Variants in ZBTB40 observed in about 807,000 individuals in gnomAD.
ZBTB40 encodes zinc finger and BTB domain-containing protein 40.
A neutral mutation model predicts 117.5 loss-of-function variants in ZBTB40; 60 were observed. That is an observed-to-expected ratio of 0.51 (90% CI 0.41 to 0.63). The LOEUF (loss-of-function observed/expected upper bound fraction) is 0.63, where lower values mean the gene tolerates loss of function less well. ZBTB40 is among the 30% of genes least tolerant of loss of function. ZBTB40 has a pLI of 0.00. For missense variants in ZBTB40, 1,287 were observed against 1,498.5 expected (o/e 0.86, Z 2.33); for synonymous variants, 525 against 577.1 (o/e 0.91, Z 1.29).
chr1:22,471,703 ACCT>A (rs1161619241), intron 1 of ZBTB40, among the ~76,000 whole-genome samples: 1 of 152,162 alleles, frequency 6.6e-6, no homozygotes, highest in African/African-American at 2.4e-5. Flanking sequence ...TGTTTTAATC[ACCT>A]CCTATTCACC....
Position 22,511,721 on chromosome 1 carries a change from G to A in ZBTB40, c.2048G>A (p.Ser683Asn), listed in dbSNP as rs766425300. 5 of 1,607,346 alleles carry A rather than the reference G, an allele frequency of 3.1e-6. No individual in the cohort carries two copies. The highest frequency in any genetic ancestry group is 2.2e-5 in the East Asian group (1 of 44,848). ...GGAGAGAAGGAAACGTGGAAGGTGA[G>A]TAATAAATTTCACCTTGAAGCCAAC... is the stretch of plus-strand genomic sequence containing the variant. ...EDGEKETWKV[S>N]NKFHLEANNK... Residue 683 changes from serine to asparagine, a missense_variant, in exon 11 of 18, where the codon AGT becomes AAT. Ser to Asn is a conservative substitution (Grantham distance 46, BLOSUM62 1). Around this residue, in one of 2 missense-constraint regions of ZBTB40, gnomAD observed 870 missense variants for 934.4 expected, o/e 0.93. Coordinates refer to ENST00000375647, the MANE Select transcript of ZBTB40 (RefSeq NM_014870.4).
At chr1:22,432,025 A>C (rs1478146065) in intron 1 of ZBTB40, among the ~76,000 whole-genome samples, 1 of 151,928 alleles carries the variant, frequency 6.6e-6, no homozygotes, top group East Asian at 1.9e-4. Context: ...ATTCTTGCAT[A>C]GTTCTGGAGT....
intron 1 of ZBTB40, among the ~76,000 whole-genome samples, chr1:22,433,438 A>ACAAAAACAAAAAC (rs1225536166): frequency 1.3e-4 from 17 of 129,148 alleles, no homozygotes; most frequent in African/African-American, 2.0e-4. Flanking sequence ...CTCTCAAAAA[A>ACAAAAACAAAAAC]AAAAAAAAAA....
At chr1:22,459,071 A>G (rs1192798114) in intron 1 of ZBTB40, among the ~76,000 whole-genome samples, 1 of 152,198 alleles carries the variant, frequency 6.6e-6, no homozygotes, top group African/African-American at 2.4e-5. Context: ...AGTATAGCTT[A>G]AATTTGTTGT....
rs1226361598 is a variant in ZBTB40 at position 22,508,005 on chromosome 1, A to G, written c.1365A>G (p.Gln455=). Residue 455 remains glutamine (Q), a synonymous_variant, in exon 7 of 18, where the codon CAA becomes CAG. Coordinates refer to ENST00000375647, the MANE Select transcript of ZBTB40 (RefSeq NM_014870.4). ...KSATLPSTTV[Q]PSPDDYGTEL... is the part of the protein sequence containing the mutation. ...GTTTTGCTAATATCCTTACAGTCCA[A>G]CCAAGCCCTGATGATTATGGGACTG... The G allele has an allele frequency of 8.1e-6, 13 of 1,614,136 alleles. No individual in the cohort carries two copies. Among genetic ancestry groups the G allele is most frequent in the Non-Finnish European group, 1.0e-5 (12 of 1,180,026 alleles).
In ZBTB40 at chr1:22,513,185, A is replaced by C; in HGVS notation, c.2668+55A>C. On this transcript the variant is annotated intron_variant, in intron 12 of 17. Transcript: ENST00000375647. The surrounding 1 kb of genome is among the most constrained non-coding windows in gnomAD (Gnocchi z 4.9). The stretch of plus-strand genomic sequence containing the variant: ...CAGACTTTCACTGCGAACTGCCTAA[A>C]CCCCATTTGGATTAGGTGTGATATA... 6.4e-7 allele frequency: 1 copy of C among 1,570,448 alleles called. No homozygotes were observed. The highest frequency in any genetic ancestry group is 2.3e-5 in the East Asian group (1 of 43,554).
At chr1:22,499,496 G>A (rs1638869030) in intron 3 of ZBTB40, among the ~76,000 whole-genome samples, 1 of 152,194 alleles carries the variant, frequency 6.6e-6, no homozygotes, top group African/African-American at 2.4e-5. Flanking sequence ...GAGATTTCAA[G>A]TCAACTAACA....
chr1:22,473,774 G>T (rs1267792504), intron 1 of ZBTB40, among the ~76,000 whole-genome samples: 2 of 152,160 alleles, frequency 1.3e-5, no homozygotes, highest in East Asian at 1.9e-4. Context: ...TTAGAAGGGA[G>T]AAATTATCTG....
In ZBTB40 at chr1:22,506,232, A is replaced by G. The variant is rs765589195; in HGVS notation, c.1351A>G (p.Ser451Gly). 1.3e-5 allele frequency: 21 copies of G among 1,614,152 alleles called. No individual in the cohort carries two copies. Among genetic ancestry groups the G allele is most frequent in the East Asian group, 1.1e-4 (5 of 44,890 alleles). The change falls in exon 6 of 18, where the codon AGC (serine) becomes GGC (glycine). Residue 451 changes from serine to glycine, a missense_variant. Physicochemically the swap from Ser to Gly is moderately conservative, Grantham distance 56. Coordinates refer to ENST00000375647, the MANE Select transcript of ZBTB40 (RefSeq NM_014870.4). ...GTTGCAGAAATCAGCCACTTTGCCA[A>G]GCACCACAGGTATTAGTAAATTGTT... ...EKLQKSATLP[S>G]TTVQPSPDDY...
chr1:22,457,823 A>G (rs1368780503), intron 1 of ZBTB40, among the ~76,000 whole-genome samples: 1 of 152,192 alleles, frequency 6.6e-6, no homozygotes. Context: ...ATTTCGTCCT[A>G]TTTCTCAGCT....
chr1:22,464,738 G>A (rs1376133658), intron 1 of ZBTB40, among the ~76,000 whole-genome samples: 1 of 152,226 alleles, frequency 6.6e-6, no homozygotes, highest in South Asian at 2.1e-4. Flanking sequence ...ATATGTATAT[G>A]CATGCACACA....
chr1:22,506,248 GTAAA>G lies in ZBTB40; in HGVS notation c.1360+9_1360+12del. The G allele has an allele frequency of 1.9e-6, 3 of 1,614,002 alleles. No individual in the cohort carries two copies. The highest frequency in any genetic ancestry group is 2.5e-6 in the Non-Finnish European group (3 of 1,179,972). On this transcript the variant is annotated splice_region_variant and intron_variant, in intron 6 of 17. Coordinates refer to ENST00000375647, the MANE Select transcript of ZBTB40 (RefSeq NM_014870.4). ...ACTTTGCCAAGCACCACAGGTATTA[GTAAA>G]TTGTTGACTCTCTGGACTGGAACCA...
intron 1 of ZBTB40, among the ~76,000 whole-genome samples, chr1:22,485,725 ATTCTG>A (rs1343919827): frequency 6.6e-6 from 1 of 151,912 alleles, no homozygotes; most frequent in Admixed American, 6.6e-5. Context: ...ACTGTTAGAT[ATTCTG>A]TTCTGTTTTC....
At chr1:22,432,101 G>C (rs780496269) in intron 1 of ZBTB40, among the ~76,000 whole-genome samples, 1 of 152,116 alleles carries the variant, frequency 6.6e-6, no homozygotes, top group Non-Finnish European at 1.5e-5. Context: ...CTCCCATTTT[G>C]CAGATGGCAA....
At chr1:22,492,989 G>A (rs554528283) in intron 3 of ZBTB40, among the ~76,000 whole-genome samples, 28 of 152,200 alleles carry the variant, frequency 1.8e-4, no homozygotes, top group African/African-American at 6.3e-4. Context: ...GAGGAGTAAC[G>A]TTATTCCTTA....
At chr1:22,488,640 G>T (rs1044205001) in intron 1 of ZBTB40, among the ~76,000 whole-genome samples, 1 of 152,194 alleles carries the variant, frequency 6.6e-6, no homozygotes, top group Admixed American at 6.5e-5. Flanking sequence ...GTTAGGAGCC[G>T]ATGACAGCCA....
intron 1 of ZBTB40, among the ~76,000 whole-genome samples, chr1:22,459,289 G>C (rs1381457395): frequency 2.0e-5 from 3 of 152,136 alleles, no homozygotes; most frequent in Admixed American, 2.0e-4. Flanking sequence ...AATTTATGGA[G>C]CATCCATTTA....
Position 22,467,940 on chromosome 1 carries a change from T to A in ZBTB40, c.-70+15936T>A, listed in dbSNP as rs148477915. On this transcript the variant is annotated intron_variant, in intron 1 of 17. Transcript: ENST00000375647. Reference sequence around the variant, plus strand: ...GAGACCCTGTCTACAAATCAAAAAATTAGTCAGGTGTAGTGGCTCATGCCT... The same window carrying A: ...GAGACCCTGTCTACAAATCAAAAAAATAGTCAGGTGTAGTGGCTCATGCCT... 8.8e-4 allele frequency among the ~76,000 whole-genome samples: 133 copies of A among 151,876 alleles called. 1 individual carries two copies. The highest frequency in any genetic ancestry group is 3.0e-3 in the African/African-American group (124 of 41,460).
chr1:22,461,834 A>G (rs1641140848), intron 1 of ZBTB40, among the ~76,000 whole-genome samples: 1 of 152,228 alleles, frequency 6.6e-6, no homozygotes, highest in Non-Finnish European at 1.5e-5. Context: ...TTCTCTGTGT[A>G]GTGCCAAGCC....
Sources: allele counts gnomAD v4.1 joint callset (sites outside exome capture counted in the v4.1 genomes callset), GRCh38; gene constraint gnomAD v4.1.1; regional missense constraint gnomAD v4.1.1; non-coding constraint Gnocchi (gnomAD v3.1); transcripts MANE v1.5; gene names NCBI Gene and HGNC (gene_info 2026-07-23, HGNC 2026-07-21).